Variants in PLCB4 observed in about 807,000 individuals in gnomAD.
The protein encoded by PLCB4 is phospholipase C beta 4, also known as 1-phosphatidylinositol 4,5-bisphosphate phosphodiesterase beta-4.
PLCB4 carries 77 observed loss-of-function variants against 178.8 expected under a neutral mutation model. The ratio of observed to expected loss-of-function variants is 0.43; its 90% CI spans 0.36 to 0.52. The LOEUF (loss-of-function observed/expected upper bound fraction) is 0.52. Among genes scored for constraint, PLCB4 ranks in the 20% least tolerant of loss-of-function variants. PLCB4 has a pLI of 0.00. For missense variants in PLCB4, 1,024 were observed against 1,453.4 expected (o/e 0.70, Z 4.80); for synonymous variants, 496 against 490.8 (o/e 1.01, Z -0.14).
At chr20:9,352,572 T>TA (rs1251191441) in intron 7 of PLCB4, among the ~76,000 whole-genome samples, 1 of 152,222 alleles carries the variant, frequency 6.6e-6, no homozygotes, top group Non-Finnish European at 1.5e-5. Context: ...CTTTTTGACC[T>TA]AACTGGCCAG....
chr20:9,403,281 A>T (rs1425003652), intron 20 of PLCB4, among the ~76,000 whole-genome samples: 4 of 152,218 alleles, frequency 2.6e-5, no homozygotes, highest in African/African-American at 9.6e-5. Context: ...AAATACTGAG[A>T]TGATTCACAA....
At chr20:9,316,348 C>T (rs1181313379) in intron 4 of PLCB4, among the ~76,000 whole-genome samples, 2 of 151,986 alleles carry the variant, frequency 1.3e-5, no homozygotes, top group Non-Finnish European at 2.9e-5. Context: ...TAGAACCAGG[C>T]CGAGGTGTTT....
intron 3 of PLCB4, among the ~76,000 whole-genome samples, chr20:9,281,818 A>G (rs1020068813): frequency 6.6e-6 from 1 of 151,996 alleles, no homozygotes; most frequent in Non-Finnish European, 1.5e-5. Flanking sequence ...AGAATTAAAC[A>G]CACTCTAAAA....
At position 9,165,517 on chromosome 20, in the gene PLCB4, C is replaced by G. The variant is rs570445540; in HGVS notation, c.-78-51873C>G. On this transcript the variant is annotated intron_variant, in intron 2 of 39. Coordinates refer to ENST00000378473, the MANE Select transcript of PLCB4 (RefSeq NM_001377142.1). ...AATCTTTCTCACAAAATACAATTCTCTCTGGATGCCTCTCAAATACAGGGT... is the reference window on the plus strand; with the variant it reads ...AATCTTTCTCACAAAATACAATTCTGTCTGGATGCCTCTCAAATACAGGGT... 2.0e-5 allele frequency among the ~76,000 whole-genome samples: 3 copies of G among 152,280 alleles called. No individual in the cohort carries two copies. The South Asian group carries it at 6.2e-4, about 32-fold the overall frequency.
In PLCB4 at chr20:9,346,480, A is replaced by G. The variant is rs1371975419; in HGVS notation, c.369+7443A>G. ...CTATTGATCACCCAAACCCCAGTAT[A>G]CTAATTAATAAAAGCTTCTTCACCA... On this transcript the variant is annotated intron_variant, in intron 7 of 39. Transcript: ENST00000378473. 3.3e-5 allele frequency among the ~76,000 whole-genome samples: 5 copies of G among 152,320 alleles called. No homozygotes were observed. The South Asian group carries it at 1.0e-3, about 32-fold the overall frequency.
chr20:9,218,220 C>T (rs2093755231), intron 3 of PLCB4, among the ~76,000 whole-genome samples: 1 of 152,178 alleles, frequency 6.6e-6, no homozygotes, highest in Admixed American at 6.5e-5. Flanking sequence ...AAGCGATTCT[C>T]CTGCCTCCAC....
chr20:9,124,568 A>G (rs909355571), intron 2 of PLCB4, among the ~76,000 whole-genome samples: 5 of 152,130 alleles, frequency 3.3e-5, no homozygotes, highest in African/African-American at 4.8e-5. Flanking sequence ...GCAAATAAAG[A>G]AAATACCTCT....
intron 2 of PLCB4, among the ~76,000 whole-genome samples, chr20:9,205,289 C>T (rs757189678): frequency 1.5e-4 from 23 of 152,066 alleles, no homozygotes; most frequent in Admixed American, 3.3e-4. Flanking sequence ...TGTAAGCATT[C>T]GGAGCACATT....
At chr20:9,176,832 C>G (rs1421566460) in intron 2 of PLCB4, among the ~76,000 whole-genome samples, 1 of 152,186 alleles carries the variant, frequency 6.6e-6, no homozygotes, top group Non-Finnish European at 1.5e-5. Context: ...GAAACTCTAA[C>G]ATGAGGAAAC....
chr20:9,187,392 A>T (rs2147119938), intron 2 of PLCB4, among the ~76,000 whole-genome samples: 1 of 152,248 alleles, frequency 6.6e-6, no homozygotes, highest in East Asian at 1.9e-4. Flanking sequence ...GACCCTAATG[A>T]CACTGTCTGT....
At chr20:9,093,916 G>A (rs1039606706) in intron 1 of PLCB4, among the ~76,000 whole-genome samples, 2 of 151,940 alleles carry the variant, frequency 1.3e-5, no homozygotes, top group Admixed American at 6.6e-5. Flanking sequence ...AAATTGCGTG[G>A]TATAATCCAT....
chr20:9,331,682 A>G (rs1479721396), intron 4 of PLCB4, among the ~76,000 whole-genome samples: 1 of 152,204 alleles, frequency 6.6e-6, no homozygotes, highest in Non-Finnish European at 1.5e-5. Flanking sequence ...TTTGAAAGTA[A>G]CTTGAATCTT....
intron 4 of PLCB4, among the ~76,000 whole-genome samples, chr20:9,327,454 G>A (rs192584465): frequency 3.5e-4 from 53 of 151,936 alleles, no homozygotes; most frequent in Admixed American, 1.2e-3. Context: ...CTCCAGCCCG[G>A]ATGACAGCAA....
At chr20:9,115,534 C>T (rs2091749084) in intron 2 of PLCB4, among the ~76,000 whole-genome samples, 1 of 148,936 alleles carries the variant, frequency 6.7e-6, no homozygotes, top group African/African-American at 2.5e-5. Context: ...CCCATTAACT[C>T]GTCATTTAAC....
intron 19 of PLCB4, among the ~76,000 whole-genome samples, chr20:9,401,101 C>T (rs551322664): frequency 2.0e-5 from 3 of 152,250 alleles, no homozygotes; most frequent in African/African-American, 7.2e-5. Flanking sequence ...CTTGCATCTT[C>T]TTATTTGCTC....
At chr20:9,302,575 T>C (rs1416065007) in intron 3 of PLCB4, among the ~76,000 whole-genome samples, 1 of 152,140 alleles carries the variant, frequency 6.6e-6, no homozygotes, top group South Asian at 2.1e-4. Flanking sequence ...GAATACTTCT[T>C]ACCTTGTTCT....
At chr20:9,200,461 A>G (rs2093529379) in intron 2 of PLCB4, among the ~76,000 whole-genome samples, 1 of 152,188 alleles carries the variant, frequency 6.6e-6, no homozygotes, top group Non-Finnish European at 1.5e-5. Context: ...GCCCTGCCGT[A>G]GTCAGTTCTC....
chr20:9,445,366 C>A (rs554923102), intron 32 of PLCB4, among the ~76,000 whole-genome samples: 1 of 152,276 alleles, frequency 6.6e-6, no homozygotes, highest in Admixed American at 6.5e-5. Flanking sequence ...TTTCTTTATT[C>A]TCTGACCCAA....
At chr20:9,251,788 A>AT (rs2094183702) in intron 3 of PLCB4, among the ~76,000 whole-genome samples, 1 of 152,226 alleles carries the variant, frequency 6.6e-6, no homozygotes, top group Non-Finnish European at 1.5e-5. Flanking sequence ...AAAAATACAT[A>AT]ATGCTAGCCA....
Sources: allele counts gnomAD v4.1 joint callset (sites outside exome capture counted in the v4.1 genomes callset), GRCh38; gene constraint gnomAD v4.1.1; transcripts MANE v1.5; gene names NCBI Gene and HGNC (gene_info 2026-07-23, HGNC 2026-07-21).